Variants in ANKIB1 observed in about 807,000 individuals in gnomAD.
The protein encoded by ANKIB1 is ankyrin repeat and IBR domain containing 1, also known as ankyrin repeat and IBR domain-containing protein 1.
ANKIB1 carries 43 observed loss-of-function variants against 122.1 expected under a neutral mutation model. The observed-to-expected ratio is 0.35, with a 90% confidence interval of 0.28 to 0.45. ANKIB1 has a LOEUF of 0.45. Among genes scored for constraint, ANKIB1 ranks in the 20% least tolerant of loss-of-function variants. ANKIB1 has a pLI of 1.00. For synonymous variants in ANKIB1, 390 were observed against 442.0 expected, an observed-to-expected ratio of 0.88 and a Z score of 1.48; for missense variants, 992 against 1,329.5, an observed-to-expected ratio of 0.75 and a Z score of 3.95.
At chr7:92,286,167 T>A (rs1171594144) in intron 1 of ANKIB1, among the ~76,000 whole-genome samples, 2 of 152,224 alleles carry the variant, frequency 1.3e-5, no homozygotes, top group African/African-American at 4.8e-5. Flanking sequence ...TTGGACCTGA[T>A]TACCAGCATG....
At chr7:92,370,945 G>GTAA (rs1804233842) in intron 10 of ANKIB1, among the ~76,000 whole-genome samples, 1 of 152,070 alleles carries the variant, frequency 6.6e-6, no homozygotes, top group Non-Finnish European at 1.5e-5. Context: ...GAAAGAGGGT[G>GTAA]TAATAAATGA....
At chr7:92,371,716 G>A in intron 11 of ANKIB1, 109 bp downstream of exon 11, 3 of 1,271,240 alleles carry the variant, frequency 2.4e-6, no homozygotes, top group Non-Finnish European at 3.2e-6. Flanking sequence ...AGTGGCTCTT[G>A]CCTATAATCC....
chr7:92,359,071 G>A lies in ANKIB1; in HGVS notation c.1398-3114G>A, dbSNP rs193254105. 1.6e-3 allele frequency among the ~76,000 whole-genome samples: 246 copies of A among 152,230 alleles called. No individual in the cohort carries two copies. The Middle Eastern group carries it at 0.027, about 17-fold the overall frequency. On this transcript the variant is annotated intron_variant, in intron 9 of 19. Transcript: ENST00000265742. Reference sequence around the variant, plus strand: ...TAATATGCACTAAAGTGAATCTAACGTATCCAGTTTTTTTTTCGTACTTAA... The same window carrying A: ...TAATATGCACTAAAGTGAATCTAACATATCCAGTTTTTTTTTCGTACTTAA...
intron 11 of ANKIB1, among the ~76,000 whole-genome samples, chr7:92,382,110 A>C (rs564230925): frequency 1.3e-5 from 2 of 152,210 alleles, no homozygotes; most frequent in African/African-American, 4.8e-5. Flanking sequence ...CTCTGATAAA[A>C]CAGACTAAAC....
chr7:92,294,470 T>G (rs1802312546), intron 1 of ANKIB1: 1 of 156,658 alleles, frequency 6.4e-6, no homozygotes, highest in Admixed American at 6.5e-5. Flanking sequence ...GCAGTTCTTG[T>G]TTGGGCAAAA....
In ANKIB1 at chr7:92,309,938, A is replaced by ATATAT. The variant is rs961914373; in HGVS notation, c.486+2282_486+2283insTATAT. On this transcript the variant is annotated intron_variant, in intron 3 of 19. Transcript: ENST00000265742. ...AGACTCCATCTAAAAAAAAAAAAAAAAAAAATATATATATATATATATATA... is the reference window on the plus strand; with the variant it reads ...AGACTCCATCTAAAAAAAAAAAAAAATATATAAAAATATATATATATATATATATA... Among the ~76,000 whole-genome samples, 5 of 112,592 alleles carry ATATAT rather than the reference A, an allele frequency of 4.4e-5. No homozygotes were observed. The South Asian group carries it at 1.2e-3, about 27-fold the overall frequency. 73.9% of individuals were successfully genotyped at this position (112,592 alleles called of 152,430 possible).
chr7:92,339,816 T>C (rs1803397456), intron 5 of ANKIB1, among the ~76,000 whole-genome samples: 1 of 152,112 alleles, frequency 6.6e-6, no homozygotes, highest in African/African-American at 2.4e-5. Flanking sequence ...TGTCTTTTTT[T>C]CTTGCAGTTT....
At chr7:92,308,730 A>T (rs1353782090) in intron 3 of ANKIB1, among the ~76,000 whole-genome samples, 5 of 152,172 alleles carry the variant, frequency 3.3e-5, no homozygotes, top group Non-Finnish European at 7.4e-5. Flanking sequence ...TAGTATCGTC[A>T]CTACTATACA....
At chr7:92,333,328 C>G (rs1803216251) in intron 5 of ANKIB1, among the ~76,000 whole-genome samples, 1 of 152,158 alleles carries the variant, frequency 6.6e-6, no homozygotes, top group African/African-American at 2.4e-5. Context: ...ACAGTGCTTC[C>G]CCTCTAGTCC....
At chr7:92,276,564 G>A (rs1212002479) in intron 1 of ANKIB1, among the ~76,000 whole-genome samples, 2 of 152,196 alleles carry the variant, frequency 1.3e-5, no homozygotes, top group African/African-American at 4.8e-5. Flanking sequence ...CACTCCCTTG[G>A]CATTTAGCCA....
At chr7:92,257,216 GAAAA>G (rs370261702) in intron 1 of ANKIB1, among the ~76,000 whole-genome samples, 18 of 151,110 alleles carry the variant, frequency 1.2e-4, no homozygotes, top group African/African-American at 4.1e-4. Context: ...GAGAAAAAAA[GAAAA>G]AAAAGAAAAG....
At chr7:92,338,911 CAAAAA>C (rs1184392588) in intron 5 of ANKIB1, among the ~76,000 whole-genome samples, 11 of 21,202 alleles carry the variant, frequency 5.2e-4, no homozygotes, top group African/African-American at 2.2e-3. Context: ...GACTCCATCT[CAAAAA>C]AAAAAAAAAA....
intron 5 of ANKIB1, among the ~76,000 whole-genome samples, chr7:92,341,506 AC>A (rs201030209): frequency 2.5e-4 from 38 of 151,610 alleles, no homozygotes; most frequent in East Asian, 2.1e-3. Flanking sequence ...AAAAAAAAAA[AC>A]TGTAAACAAA....
chr7:92,307,679 A>G (rs1429295907), intron 3 of ANKIB1, 23 bp downstream of exon 3: 1 of 1,433,236 alleles, frequency 7.0e-7, no homozygotes, highest in East Asian at 2.6e-5. Context: ...TTTTTTTAAT[A>G]TTCTGCATTG....
At chr7:92,351,553 GTT>G (rs1803663053) in intron 8 of ANKIB1, among the ~76,000 whole-genome samples, 1 of 151,982 alleles carries the variant, frequency 6.6e-6, no homozygotes, top group Non-Finnish European at 1.5e-5. Flanking sequence ...GAATTATAAT[GTT>G]TATTTCATCT....
At position 92,398,365 on chromosome 7, in the gene ANKIB1, C is replaced by T; in HGVS notation, c.2686C>T (p.Leu896=). 1 of 1,613,280 alleles carries T rather than the reference C, an allele frequency of 6.2e-7. No individual in the cohort carries two copies. Among genetic ancestry groups the T allele is most frequent in the Non-Finnish European group, 8.5e-7 (1 of 1,179,570 alleles). The change falls in exon 20 of 20, where the codon CTG becomes TTG. Residue 896 remains leucine (L), a synonymous_variant. Transcript: ENST00000265742. The stretch of plus-strand genomic sequence containing the variant: ...GATAGGCACTTCTTTACCTTCCAGG[C>T]TGGACTCTGTCCCCAGAAATACAGA... ...GAIGTSLPSR[L]DSVPRNTDSP... is the part of the protein sequence containing the mutation.
intron 10 of ANKIB1, among the ~76,000 whole-genome samples, chr7:92,363,247 C>G (rs1329551576): frequency 6.6e-6 from 1 of 151,934 alleles, no homozygotes; most frequent in Non-Finnish European, 1.5e-5. Flanking sequence ...CCCATCTCTA[C>G]TAAAAATAAA....
intron 5 of ANKIB1, among the ~76,000 whole-genome samples, chr7:92,340,553 C>T (rs1171046205): frequency 6.6e-6 from 1 of 152,106 alleles, no homozygotes; most frequent in Non-Finnish European, 1.5e-5. Context: ...AAAGTCAATT[C>T]ATCAATTTGT....
At chr7:92,329,970 G>T (rs181075034) in intron 5 of ANKIB1, among the ~76,000 whole-genome samples, 2 of 152,150 alleles carry the variant, frequency 1.3e-5, no homozygotes, top group Admixed American at 6.5e-5. Flanking sequence ...TCATTCCCCT[G>T]CTGAAAACCC....
Sources: allele counts gnomAD v4.1 joint callset (sites outside exome capture counted in the v4.1 genomes callset), GRCh38; gene constraint gnomAD v4.1.1; transcripts MANE v1.5; gene names NCBI Gene and HGNC (gene_info 2026-07-23, HGNC 2026-07-21).